DNAAF11: variants seen among roughly 807,000 people sequenced by gnomAD.
DNAAF11 encodes the protein dynein axonemal assembly factor 11.
Under a neutral mutation model 60.8 loss-of-function variants are expected in DNAAF11, and 45 were observed. The observed-to-expected ratio is 0.74, with a 90% CI of 0.58 to 0.95. DNAAF11 has a LOEUF of 0.95. Among genes scored for constraint, DNAAF11 ranks in the 40% least tolerant of loss-of-function variants. The pLI is 0.00. For missense variants in DNAAF11, 546 were observed against 546.2 expected, an observed-to-expected ratio of 1.00 and a Z score of 0.00; for synonymous variants, 191 against 183.5, an observed-to-expected ratio of 1.04 and a Z score of -0.33.
chr8:132,603,730 G>A (rs186240487), intron 10 of DNAAF11, among the ~76,000 whole-genome samples: 1 of 152,178 alleles, frequency 6.6e-6, no homozygotes, highest in African/African-American at 2.4e-5. Flanking sequence ...GGTAAATAGA[G>A]GGGGATGTTT....
chr8:132,663,372 T>C (rs1233603952), intron 1 of DNAAF11, among the ~76,000 whole-genome samples: 1 of 152,230 alleles, frequency 6.6e-6, no homozygotes, highest in Non-Finnish European at 1.5e-5. Context: ...AATCAACTGA[T>C]AATGAATAAA....
chr8:132,701,054 A>T, the DNAAF11 span, among the ~76,000 whole-genome samples: 6 of 152,178 alleles, frequency 3.9e-5, no homozygotes, highest in Non-Finnish European at 7.3e-5. Flanking sequence ...GCAAGAATGA[A>T]CAAGAGGGGG....
intron 1 of DNAAF11, among the ~76,000 whole-genome samples, chr8:132,669,497 G>T (rs1824964518): frequency 6.6e-6 from 1 of 152,190 alleles, no homozygotes; most frequent in Non-Finnish European, 1.5e-5. Flanking sequence ...GTAACTTAAA[G>T]GACAATTATA....
intron 11 of DNAAF11, among the ~76,000 whole-genome samples, chr8:132,574,109 C>A (rs989972786): frequency 6.6e-6 from 1 of 152,166 alleles, no homozygotes; most frequent in Non-Finnish European, 1.5e-5. Context: ...TGCCTCGGTG[C>A]CACAATATTC....
At chr8:132,647,985 G>C (rs1048113996) in intron 3 of DNAAF11, among the ~76,000 whole-genome samples, 3 of 152,196 alleles carry the variant, frequency 2.0e-5, no homozygotes, top group East Asian at 1.9e-4. Flanking sequence ...CAGAAGAAGA[G>C]GGAATCCTCC....
chr8:132,616,756 C>T (rs1443605152), intron 7 of DNAAF11, among the ~76,000 whole-genome samples: 1 of 152,176 alleles, frequency 6.6e-6, no homozygotes, highest in Non-Finnish European at 1.5e-5. Flanking sequence ...GAAACCAGCA[C>T]TCAGGCAAAA....
intron 3 of DNAAF11, among the ~76,000 whole-genome samples, chr8:132,647,279 A>C (rs922850451): frequency 2.0e-5 from 3 of 152,208 alleles, no homozygotes; most frequent in African/African-American, 7.2e-5. Context: ...AGAAATAAAG[A>C]TGAGAAACCA....
At chr8:132,628,991 T>G (rs1414705879) in intron 5 of DNAAF11, among the ~76,000 whole-genome samples, 1 of 152,218 alleles carries the variant, frequency 6.6e-6, no homozygotes, top group Non-Finnish European at 1.5e-5. Flanking sequence ...GAACACAGGT[T>G]CAAATATTAT....
chr8:132,701,202 C>T, the DNAAF11 span, among the ~76,000 whole-genome samples: 1 of 152,174 alleles, frequency 6.6e-6, no homozygotes, highest in Admixed American at 6.5e-5. Context: ...AGGGGATAAA[C>T]ATTCAAAACA....
chr8:132,606,364 G>A (rs1371433936), intron 10 of DNAAF11, among the ~76,000 whole-genome samples: 4 of 152,208 alleles, frequency 2.6e-5, no homozygotes, highest in African/African-American at 4.8e-5. Context: ...GGGACAAGAT[G>A]TGGAGGCAGA....
intron 11 of DNAAF11, among the ~76,000 whole-genome samples, chr8:132,573,169 G>C (rs536122490): frequency 3.3e-5 from 5 of 150,546 alleles, no homozygotes; most frequent in Non-Finnish European, 7.3e-5. Flanking sequence ...TCTGGGCTGC[G>C]TTCCCCGCAA....
In DNAAF11 at chr8:132,571,543, G is replaced by A. The variant is rs1442549631; in HGVS notation, c.*763C>T. Among the ~76,000 whole-genome samples, 1 of 151,962 alleles carries A rather than the reference G, an allele frequency of 6.6e-6. No homozygotes were observed. The highest frequency in any genetic ancestry group is 1.5e-5 in the Non-Finnish European group (1 of 67,990). Reference sequence around the variant, plus strand: ...GGGGAGAAAAGTAATTGGGGAGGGAGGGGAAGAAGGAGCAGGGAGGAGGAG... The same window carrying A: ...GGGGAGAAAAGTAATTGGGGAGGGAAGGGAAGAAGGAGCAGGGAGGAGGAG... On this transcript the variant is annotated 3_prime_UTR_variant, in exon 12 of 12. Transcript: ENST00000620350.
chr8:132,663,369 T>C (rs1307732814), intron 1 of DNAAF11, among the ~76,000 whole-genome samples: 2 of 152,248 alleles, frequency 1.3e-5, no homozygotes, highest in Non-Finnish European at 2.9e-5. Flanking sequence ...TTAAATCAAC[T>C]GATAATGAAT....
intron 3 of DNAAF11, among the ~76,000 whole-genome samples, chr8:132,639,885 C>G (rs1013582453): frequency 7.2e-5 from 11 of 151,874 alleles, no homozygotes; most frequent in Admixed American, 6.5e-4. Flanking sequence ...TCCCTGAGTT[C>G]ACATTTATGT....
At chr8:132,673,547 C>A (rs1418431764) in intron 1 of DNAAF11, among the ~76,000 whole-genome samples, 1 of 152,194 alleles carries the variant, frequency 6.6e-6, no homozygotes. Flanking sequence ...ATGAGCGGAT[C>A]CCTGCCTACC....
chr8:132,594,686 C>T (rs954043692), intron 10 of DNAAF11, among the ~76,000 whole-genome samples: 3 of 152,094 alleles, frequency 2.0e-5, no homozygotes, highest in Non-Finnish European at 4.4e-5. Context: ...AGGGGCTCTT[C>T]CCTCTTCACT....
the DNAAF11 span, among the ~76,000 whole-genome samples, chr8:132,685,901 G>C: frequency 6.6e-6 from 1 of 152,122 alleles, no homozygotes; most frequent in Admixed American, 6.6e-5. Context: ...TTAATCCAAT[G>C]ACCCTTTTTT....
the DNAAF11 span, among the ~76,000 whole-genome samples, chr8:132,695,559 G>A: frequency 6.6e-6 from 1 of 152,150 alleles, no homozygotes; most frequent in Non-Finnish European, 1.5e-5. Flanking sequence ...AAATAGAAAC[G>A]AAGGACATCA....
chr8:132,592,005 C>T (rs1302137234), intron 10 of DNAAF11, among the ~76,000 whole-genome samples: 1 of 152,008 alleles, frequency 6.6e-6, no homozygotes, highest in African/African-American at 2.4e-5. Flanking sequence ...TCTTTAAAAT[C>T]CATATGAAAT....
Sources: allele counts gnomAD v4.1 joint callset (sites outside exome capture counted in the v4.1 genomes callset), GRCh38; gene constraint gnomAD v4.1.1; transcripts MANE v1.5; gene names NCBI Gene and HGNC (gene_info 2026-07-23, HGNC 2026-07-21).